The following MYO1B variants were observed in gnomAD, a reference collection of about 807,000 sequenced individuals.
The protein encoded by MYO1B is myosin IB.
In MYO1B, 72 loss-of-function variants were observed where a neutral mutation model predicts 159.7. The ratio of observed to expected loss-of-function variants is 0.45; its 90% CI spans 0.37 to 0.55. MYO1B has a LOEUF of 0.55. Among genes scored for constraint, MYO1B ranks in the 20% least tolerant of loss-of-function variants. The pLI, the probability that MYO1B is intolerant of heterozygous loss-of-function variation, is 0.00. For synonymous variants in MYO1B, 468 were observed against 473.8 expected (o/e 0.99, Z 0.16); for missense variants, 1,062 against 1,364.8 (o/e 0.78, Z 3.50).
rs185511630 is a variant in MYO1B, at chr2:191,324,371, G to A, written c.252-5564G>A. On this transcript the variant is annotated intron_variant, in intron 3 of 30. Transcript: ENST00000392318. ...TTTGGATTATTTGAATTTTTTATTC[G>A]TATAATTCCATTTACTTTTTAGTTA... Among the ~76,000 whole-genome samples the A allele has an allele frequency of 1.3e-4, 19 of 149,926 alleles. No homozygotes were observed. In the East Asian group the frequency reaches 1.4e-3, roughly 11 times the overall value.
chr2:191,251,481 G>T (rs1686111478), intron 1 of MYO1B, among the ~76,000 whole-genome samples: 1 of 152,218 alleles, frequency 6.6e-6, no homozygotes, highest in South Asian at 2.1e-4. Context: ...TTCTGAAAAT[G>T]CAAGGGGCCT....
intron 30 of MYO1B, among the ~76,000 whole-genome samples, chr2:191,419,382 CTAATTTTT>C (rs1697789989): frequency 6.6e-6 from 1 of 152,068 alleles, no homozygotes; most frequent in Non-Finnish European, 1.5e-5. Context: ...CCACGCCCGG[CTAATTTTT>C]TGTACTTTTA....
chr2:191,334,256 G>A lies in MYO1B; in HGVS notation c.346+4227G>A, dbSNP rs540639424. Among the ~76,000 whole-genome samples, 14 of 152,048 alleles carry A rather than the reference G, an allele frequency of 9.2e-5. No homozygotes were observed. The East Asian group carries it at 2.7e-3, about 29-fold the overall frequency. ...AACATGTGTTCTGAGAAGACAGCAC[G>A]TCCACTAATTAGCTATGTCAGTATG... is the stretch of plus-strand genomic sequence containing the variant. On this transcript the variant is annotated intron_variant, in intron 4 of 30. Transcript: ENST00000392318.
intron 9 of MYO1B, 55 bp downstream of exon 9, chr2:191,362,426 C>T (rs750612330): frequency 2.0e-4 from 267 of 1,333,426 alleles, no homozygotes; most frequent in Middle Eastern, 1.1e-3. Flanking sequence ...CATTGCTCAG[C>T]GGGAGCTGGT....
At chr2:191,342,898 C>T (rs1692311562) in intron 5 of MYO1B, among the ~76,000 whole-genome samples, 1 of 147,968 alleles carries the variant, frequency 6.8e-6, no homozygotes, top group Non-Finnish European at 1.5e-5. Flanking sequence ...CAGAGGGAGA[C>T]TCTGTCTCAA....
At chr2:191,412,266 CT>C (rs555006387) in intron 27 of MYO1B, among the ~76,000 whole-genome samples, 14 of 151,418 alleles carry the variant, frequency 9.2e-5, no homozygotes, top group East Asian at 3.9e-4. Flanking sequence ...TTTTATTCAG[CT>C]TTTTTTTTAT....
intron 1 of MYO1B, among the ~76,000 whole-genome samples, chr2:191,273,612 C>T (rs1330584434): frequency 6.6e-6 from 1 of 152,124 alleles, no homozygotes; most frequent in Non-Finnish European, 1.5e-5. Flanking sequence ...ACGTGTCCAG[C>T]CTTGAATCAG....
At chr2:191,418,033 C>G (rs934862958) in intron 30 of MYO1B, among the ~76,000 whole-genome samples, 1 of 152,170 alleles carries the variant, frequency 6.6e-6, no homozygotes, top group Non-Finnish European at 1.5e-5. Flanking sequence ...ATAATGTGGC[C>G]ACATGAAGAA....
intron 4 of MYO1B, among the ~76,000 whole-genome samples, chr2:191,338,694 A>C (rs1692018014): frequency 6.6e-6 from 1 of 152,222 alleles, no homozygotes. Flanking sequence ...CCTGGACCAG[A>C]ACAGGTTTTC....
chr2:191,369,553 C>T lies in MYO1B; in HGVS notation c.1044C>T (p.Ala348=), dbSNP rs1410920716. 10 of 1,611,980 alleles carry T rather than the reference C, an allele frequency of 6.2e-6. No homozygotes were observed. The highest frequency in any genetic ancestry group is 8.5e-6 in the Non-Finnish European group (10 of 1,178,706). Residue 348 remains alanine, a synonymous_variant, in exon 12 of 31, where the codon GCC becomes GCT. Coordinates refer to ENST00000392318, the MANE Select transcript of MYO1B (RefSeq NM_001130158.3). ...TTLNVAQAYY[A]RDALAKNLYS... ...TTGTTTTTTAATAGGCTTATTATGC[C>T]CGTGATGCTCTGGCTAAAAACCTCT...
chr2:191,246,417 A>C (rs1685797970), intron 1 of MYO1B: 2 of 152,094 alleles, frequency 1.3e-5, no homozygotes, highest in Non-Finnish European at 2.9e-5. Flanking sequence ...GAGTTTCTAG[A>C]GCTTATTTGT....
chr2:191,300,566 A>G (rs979259102), intron 3 of MYO1B, among the ~76,000 whole-genome samples: 2 of 147,876 alleles, frequency 1.4e-5, no homozygotes, highest in Non-Finnish European at 3.0e-5. Context: ...CTGGTCTCGA[A>G]CTCCTGACCT....
chr2:191,348,428 C>A (rs1405791582), intron 6 of MYO1B, among the ~76,000 whole-genome samples: 2 of 152,166 alleles, frequency 1.3e-5, no homozygotes, highest in East Asian at 3.8e-4. Context: ...TGGCCAGGGA[C>A]CACCTTCTGT....
chr2:191,351,340 G>A (rs1312667892), intron 7 of MYO1B, among the ~76,000 whole-genome samples: 1 of 152,124 alleles, frequency 6.6e-6, no homozygotes, highest in African/African-American at 2.4e-5. Flanking sequence ...TTGAAGAGGA[G>A]ATGGGTAGCC....
intron 1 of MYO1B, among the ~76,000 whole-genome samples, chr2:191,269,071 A>G (rs1687308319): frequency 1.3e-5 from 2 of 151,984 alleles, no homozygotes. Flanking sequence ...CATTAAGTGC[A>G]CTCCCACTGC....
At chr2:191,340,105 A>AG (rs1415743495) in intron 4 of MYO1B, among the ~76,000 whole-genome samples, 1 of 152,190 alleles carries the variant, frequency 6.6e-6, no homozygotes, top group Non-Finnish European at 1.5e-5. Flanking sequence ...TACCCAGACC[A>AG]GGGAATATGT....
At chr2:191,288,874 C>T (rs1688536834) in intron 2 of MYO1B, among the ~76,000 whole-genome samples, 1 of 152,154 alleles carries the variant, frequency 6.6e-6, no homozygotes, top group Non-Finnish European at 1.5e-5. Context: ...TGCACCAGCC[C>T]AATACTTTAG....
intron 3 of MYO1B, 49 bp downstream of exon 3, chr2:191,296,275 G>A: frequency 1.8e-6 from 2 of 1,094,300 alleles, no homozygotes; most frequent in Non-Finnish European, 2.7e-6. Flanking sequence ...CCAGAGATGT[G>A]TAGTTGACAG....
chr2:191,320,381 C>T (rs1479400191), intron 3 of MYO1B, among the ~76,000 whole-genome samples: 2 of 152,104 alleles, frequency 1.3e-5, no homozygotes, highest in Non-Finnish European at 1.5e-5. Flanking sequence ...TCCTTCTTTA[C>T]AGTATCATGA....
Sources: gnomAD v4.1 joint callset for allele counts (sites outside exome capture counted in the v4.1 genomes callset) on GRCh38, gnomAD v4.1.1 for gene constraint, MANE v1.5 for transcripts, NCBI Gene and HGNC (gene_info 2026-07-23, HGNC 2026-07-21) for gene names.